Variants in ITGA1 observed in about 807,000 individuals in gnomAD.
ITGA1 encodes integrin alpha-1.
A neutral mutation model predicts 145.9 loss-of-function variants in ITGA1; 85 were observed. The observed-to-expected ratio is 0.58, with a 90% CI of 0.49 to 0.70. The LOEUF is 0.70. Ranked by LOEUF, ITGA1 falls within the 30% of genes least tolerant of loss-of-function variation. The pLI, the probability that ITGA1 is intolerant of heterozygous loss-of-function variation, is 0.00. For missense variants in ITGA1, 1,351 were observed against 1,418.7 expected, an observed-to-expected ratio of 0.95 and a Z score of 0.77; for synonymous variants, 520 against 495.3, an observed-to-expected ratio of 1.05 and a Z score of -0.66.
intron 1 of ITGA1, among the ~76,000 whole-genome samples, chr5:52,821,102 C>A (rs1748872312): frequency 6.6e-6 from 1 of 152,132 alleles, no homozygotes; most frequent in Non-Finnish European, 1.5e-5. Flanking sequence ...ACAGATTTAT[C>A]TATTTAATAA....
intron 6 of ITGA1, among the ~76,000 whole-genome samples, chr5:52,879,223 T>G (rs1385747351): frequency 1.3e-5 from 2 of 152,026 alleles, no homozygotes; most frequent in African/African-American, 4.8e-5. Flanking sequence ...GATACTAGAT[T>G]AATAGATTAT....
At chr5:52,859,839 A>G (rs2111768750) in intron 2 of ITGA1, among the ~76,000 whole-genome samples, 1 of 152,376 alleles carries the variant, frequency 6.6e-6, no homozygotes, top group South Asian at 2.1e-4. Context: ...TATTTCAGAC[A>G]TGGCCTGACC....
At chr5:52,952,217 A>G (rs1370774153) in intron 28 of ITGA1, among the ~76,000 whole-genome samples, 190 bp from the exon 29 acceptor site, 1 of 151,996 alleles carries the variant, frequency 6.6e-6, no homozygotes, top group African/African-American at 2.4e-5. Context: ...AAAAAAAGAA[A>G]CAGCAATTTA....
chr5:52,899,545 C>G (rs1561241905), intron 11 of ITGA1, among the ~76,000 whole-genome samples: 1 of 152,108 alleles, frequency 6.6e-6, no homozygotes, highest in Non-Finnish European at 1.5e-5. Context: ...GGTCAGACAA[C>G]AGCTAGAGTA....
chr5:52,920,487 G>A lies in ITGA1; in HGVS notation c.2292+19G>A, dbSNP rs370503800. ...CATGTTGGCAAGTAAATCATATATC[G>A]TTGCTGCCTTATTCCAAATCAAGAA... is the stretch of plus-strand genomic sequence containing the variant. On this transcript the variant is annotated intron_variant, in intron 17 of 28. Transcript: ENST00000282588. 35 of 1,567,866 alleles carry A rather than the reference G, an allele frequency of 2.2e-5. No individual in the cohort carries two copies. The highest frequency in any genetic ancestry group is 8.3e-5 in the African/African-American group (6 of 72,680).
At chr5:52,931,882 C>A (rs1409089643) in intron 21 of ITGA1, 165 bp from the exon 22 acceptor site, 2 of 496,800 alleles carry the variant, frequency 4.0e-6, no homozygotes, top group Non-Finnish European at 7.1e-6. Context: ...CCATACCAAT[C>A]ATCTCTGATC....
At chr5:52,797,418 T>C (rs997638366) in intron 1 of ITGA1, among the ~76,000 whole-genome samples, 2 of 151,934 alleles carry the variant, frequency 1.3e-5, no homozygotes, top group African/African-American at 4.8e-5. Flanking sequence ...AGTAGAACAT[T>C]AGATCTTTCT....
intron 6 of ITGA1, among the ~76,000 whole-genome samples, chr5:52,874,030 T>C (rs577610184): frequency 6.6e-6 from 1 of 151,986 alleles, no homozygotes; most frequent in East Asian, 1.9e-4. Flanking sequence ...GAGTTTCTGT[T>C]GCTATAACAA....
At chr5:52,849,556 G>A (rs1749397155) in intron 2 of ITGA1, 71 bp downstream of exon 2, 1 of 1,287,712 alleles carries the variant, frequency 7.8e-7, no homozygotes, top group Non-Finnish European at 1.0e-6. Flanking sequence ...TTTGACTACA[G>A]TTTCTTTTAT....
At chr5:52,854,691 G>C (rs867751395) in intron 2 of ITGA1, among the ~76,000 whole-genome samples, 1 of 152,128 alleles carries the variant, frequency 6.6e-6, no homozygotes, top group Non-Finnish European at 1.5e-5. Context: ...ATCTTTTGCA[G>C]GGAAGAAAAC....
At chr5:52,900,334 ACTC>A (rs1204823997) in intron 11 of ITGA1, among the ~76,000 whole-genome samples, 1 of 152,014 alleles carries the variant, frequency 6.6e-6, no homozygotes, top group Non-Finnish European at 1.5e-5. Context: ...AATTAGTAAA[ACTC>A]CTTATGAAAG....
chr5:52,881,882 G>T lies in ITGA1; in HGVS notation c.634G>T (p.Val212Leu). 6.2e-7 allele frequency: 1 copy of T among 1,612,504 alleles called. No individual in the cohort carries two copies. Among genetic ancestry groups the T allele is most frequent in the Non-Finnish European group, 8.5e-7 (1 of 1,179,382 alleles). Residue 212 changes from valine to leucine, a missense_variant, in exon 7 of 29, where the codon GTA (valine) becomes TTA (leucine). By Grantham distance (32) the Val-to-Leu change is conservative (BLOSUM62 1). Transcript: ENST00000282588. ...IGPKQTQVGI[V>L]QYGENVTHEF... ...TGGCTTGGTATTTCAGGTTGGAATT[G>T]TACAGTATGGAGAAAACGTGACCCA...
At chr5:52,810,163 T>C (rs73092785) in intron 1 of ITGA1, among the ~76,000 whole-genome samples, 1,798 of 152,320 alleles carry the variant, frequency 0.012, 40 homozygotes, top group African/African-American at 0.041. Flanking sequence ...TGAGACATTC[T>C]GTCCCTTTCC....
chr5:52,951,559 G>A (rs919081332), intron 28 of ITGA1, among the ~76,000 whole-genome samples: 2 of 152,122 alleles, frequency 1.3e-5, no homozygotes, highest in African/African-American at 2.4e-5. Flanking sequence ...AAATGATATA[G>A]TGTGTTTTCA....
chr5:52,805,414 C>T (rs889091353), intron 1 of ITGA1, among the ~76,000 whole-genome samples: 2 of 151,960 alleles, frequency 1.3e-5, no homozygotes, highest in Admixed American at 1.3e-4. Flanking sequence ...TGATAATGGC[C>T]TTATCAAAGG....
chr5:52,833,107 A>G (rs759155673), intron 1 of ITGA1, among the ~76,000 whole-genome samples: 62 of 151,614 alleles, frequency 4.1e-4, no homozygotes, highest in Admixed American at 9.9e-4. Flanking sequence ...TGGGAGGATC[A>G]CTTGAACCCA....
chr5:52,864,408 C>G (rs890772938), intron 3 of ITGA1, among the ~76,000 whole-genome samples: 1 of 152,142 alleles, frequency 6.6e-6, no homozygotes, highest in Non-Finnish European at 1.5e-5. Flanking sequence ...CATCACTGGT[C>G]ATTTATAACA....
At chr5:52,871,614 A>AT (rs1749777190) in intron 6 of ITGA1, among the ~76,000 whole-genome samples, 2 of 136,396 alleles carry the variant, frequency 1.5e-5, no homozygotes, top group African/African-American at 2.8e-5. Context: ...AAAAACAAAA[A>AT]TAAAAAAAAA....
At chr5:52,840,215 C>A (rs1749230424) in intron 1 of ITGA1, among the ~76,000 whole-genome samples, 1 of 152,120 alleles carries the variant, frequency 6.6e-6, no homozygotes, top group Non-Finnish European at 1.5e-5. Flanking sequence ...GAAAGTACCA[C>A]TTTTATTCAG....
Sources: gnomAD v4.1 joint callset for allele counts (sites outside exome capture counted in the v4.1 genomes callset) on GRCh38, gnomAD v4.1.1 for gene constraint, MANE v1.5 for transcripts, NCBI Gene and HGNC (gene_info 2026-07-23, HGNC 2026-07-21) for gene names.